TNR: variants seen among roughly 807,000 people sequenced by gnomAD.
TNR encodes the protein tenascin-R.
Under a neutral mutation model 150.4 loss-of-function variants are expected in TNR, and 45 were observed. That is an observed-to-expected ratio of 0.30 (90% CI 0.24 to 0.38). The LOEUF (loss-of-function observed/expected upper bound fraction) is 0.38. Among genes scored for constraint, TNR ranks in the 10% least tolerant of loss-of-function variants. The pLI is 1.00. For synonymous variants in TNR, 687 were observed against 678.4 expected (o/e 1.01, Z -0.20); for missense variants, 1,544 against 1,759.1 (o/e 0.88, Z 2.19).
At chr1:175,644,397 T>C (rs1050805316) in intron 1 of TNR, among the ~76,000 whole-genome samples, 7 of 152,338 alleles carry the variant, frequency 4.6e-5, no homozygotes, top group South Asian at 2.1e-4. Context: ...AACCAGATTA[T>C]GGCTGTGGGC....
chr1:175,524,739 C>A (rs1240535970), intron 2 of TNR, among the ~76,000 whole-genome samples: 5 of 152,186 alleles, frequency 3.3e-5, no homozygotes, highest in African/African-American at 4.8e-5. Flanking sequence ...ATGTAAACTG[C>A]CAGTTGATGC....
At chr1:175,604,825 T>C (rs1663359911) in intron 1 of TNR, among the ~76,000 whole-genome samples, 1 of 152,160 alleles carries the variant, frequency 6.6e-6, no homozygotes, top group African/African-American at 2.4e-5. Flanking sequence ...GCCGCAGCGC[T>C]AACCAGGGCA....
chr1:175,442,806 T>C (rs1415976286), intron 2 of TNR, among the ~76,000 whole-genome samples: 1 of 151,780 alleles, frequency 6.6e-6, no homozygotes, highest in Non-Finnish European at 1.5e-5. Flanking sequence ...GCAAGTGATC[T>C]AGGAGAACGT....
chr1:175,505,314 G>A (rs1196561336), intron 2 of TNR, among the ~76,000 whole-genome samples: 1 of 152,224 alleles, frequency 6.6e-6, no homozygotes, highest in East Asian at 1.9e-4. Context: ...GCTTCCCCCG[G>A]CGAGGCAGGA....
chr1:175,728,094 C>G (rs999317486), intron 1 of TNR, among the ~76,000 whole-genome samples: 10 of 152,196 alleles, frequency 6.6e-5, no homozygotes, highest in African/African-American at 2.4e-4. Context: ...TGGGTTTAAC[C>G]AGGTTGGGGT....
chr1:175,677,954 A>G (rs1434952189), intron 1 of TNR, among the ~76,000 whole-genome samples: 1 of 148,556 alleles, frequency 6.7e-6, no homozygotes, highest in Non-Finnish European at 1.5e-5. Context: ...AAGTGCCAGC[A>G]GGAATGAGTG....
At chr1:175,462,149 T>C (rs993288894) in intron 2 of TNR, among the ~76,000 whole-genome samples, 2 of 152,256 alleles carry the variant, frequency 1.3e-5, no homozygotes, top group Non-Finnish European at 2.9e-5. Flanking sequence ...ATAAAATATG[T>C]TCACTTCTAG....
chr1:175,354,802 C>A (rs1164516114), intron 17 of TNR, among the ~76,000 whole-genome samples: 1 of 152,146 alleles, frequency 6.6e-6, no homozygotes, highest in East Asian at 1.9e-4. Context: ...ACTGTACTTG[C>A]TTGAGAGCAG....
chr1:175,358,572 A>G (rs1201105203), intron 15 of TNR, among the ~76,000 whole-genome samples: 1 of 152,216 alleles, frequency 6.6e-6, no homozygotes, highest in African/African-American at 2.4e-5. Flanking sequence ...AAACCAAGAC[A>G]TCTGCCTGCC....
At chr1:175,350,894 T>C (rs1651020059) in intron 18 of TNR, among the ~76,000 whole-genome samples, 1 of 152,184 alleles carries the variant, frequency 6.6e-6, no homozygotes. Flanking sequence ...TTAAGCTCTC[T>C]TGTTCCATCA....
intron 1 of TNR, among the ~76,000 whole-genome samples, chr1:175,538,113 C>T (rs539231996): frequency 5.3e-5 from 8 of 152,242 alleles, no homozygotes; most frequent in Admixed American, 3.9e-4. Context: ...GCCAAGATGT[C>T]GGAAACCAGG....
chr1:175,474,459 TG>T (rs1657455939), intron 2 of TNR, among the ~76,000 whole-genome samples: 1 of 152,220 alleles, frequency 6.6e-6, no homozygotes, highest in Admixed American at 6.5e-5. Context: ...CCCCTGATGT[TG>T]GACTTCCAAC....
chr1:175,415,939 C>T (rs1039859394), intron 2 of TNR, among the ~76,000 whole-genome samples: 3 of 151,978 alleles, frequency 2.0e-5, no homozygotes, highest in Non-Finnish European at 2.9e-5. Flanking sequence ...GGGGTGGGGG[C>T]GCCTATTTCT....
intron 1 of TNR, among the ~76,000 whole-genome samples, chr1:175,709,019 C>T (rs1666919435): frequency 1.3e-5 from 2 of 148,360 alleles, no homozygotes; most frequent in Middle Eastern, 6.8e-3. Context: ...CTCACGACAG[C>T]TCCATGATAT....
At chr1:175,671,574 A>G (rs1665698150) in intron 1 of TNR, among the ~76,000 whole-genome samples, 2 of 152,236 alleles carry the variant, frequency 1.3e-5, no homozygotes, top group Non-Finnish European at 2.9e-5. Context: ...GCTGGATATC[A>G]TAGTACAGCA....
chr1:175,410,012 G>A (rs1654138130), intron 2 of TNR, among the ~76,000 whole-genome samples: 1 of 152,190 alleles, frequency 6.6e-6, no homozygotes, highest in African/African-American at 2.4e-5. Context: ...GCTATGGAGG[G>A]AGCAGGGGTG....
Position 175,337,674 on chromosome 1 carries a change from G to A in TNR, c.3388C>T (p.Arg1130Trp), listed in dbSNP as rs755238671. The change falls in exon 19 of 23, where the codon CGG becomes TGG. Residue 1130 changes from arginine (R) to tryptophan (W), a missense_variant. Physicochemically the swap from Arg to Trp is moderately radical, Grantham distance 101. Coordinates refer to ENST00000367674, the MANE Select transcript of TNR (RefSeq NM_003285.3). ...CAGTCTTGGGGATGAGGGAACACCC[G>A]GCCTCCTGCAAGGAAAATAGACAAT... is the stretch of plus-strand genomic sequence containing the variant. ...ITSTAFTTGG[R>W]VFPHPQDCAQ... The A allele has an allele frequency of 3.7e-6, 6 of 1,613,950 alleles. No individual in the cohort carries two copies. The highest frequency in any genetic ancestry group is 4.2e-6 in the Non-Finnish European group (5 of 1,180,012).
intron 9 of TNR, among the ~76,000 whole-genome samples, chr1:175,374,025 T>C (rs1280152836): frequency 6.6e-6 from 1 of 152,236 alleles, no homozygotes; most frequent in Non-Finnish European, 1.5e-5. Context: ...GGCTGAGCAC[T>C]GTCTGGCCCG....
At chr1:175,451,771 C>G (rs1208495436) in intron 2 of TNR, among the ~76,000 whole-genome samples, 2 of 152,130 alleles carry the variant, frequency 1.3e-5, no homozygotes, top group African/African-American at 4.8e-5. Flanking sequence ...GAAATCAAGC[C>G]AAGCCTGAAA....
Sources: allele counts gnomAD v4.1 joint callset (sites outside exome capture counted in the v4.1 genomes callset), GRCh38; gene constraint gnomAD v4.1.1; transcripts MANE v1.5; gene names NCBI Gene and HGNC (gene_info 2026-07-23, HGNC 2026-07-21).